The following FAM234A variants were observed in gnomAD, a reference collection of about 807,000 sequenced individuals.
FAM234A encodes family with sequence similarity 234 member A, also known as protein FAM234A.
In FAM234A, 42 loss-of-function variants were observed where a neutral mutation model predicts 49.1. The observed-to-expected ratio is 0.86, with a 90% CI of 0.67 to 1.11. The LOEUF (loss-of-function observed/expected upper bound fraction) is 1.11, where lower values mean the gene tolerates loss of function less well. Among genes scored for constraint, FAM234A ranks in the 50% least tolerant of loss-of-function variants. The probability of loss-of-function intolerance (pLI) is 0.00; values close to 1 mark genes in which losing one functional copy is unlikely to be tolerated. For synonymous variants in FAM234A, 369 were observed against 316.2 expected (o/e 1.17, Z -1.77); for missense variants, 815 against 745.2 (o/e 1.09, Z -1.09).
rs144091859 is a variant in FAM234A at position 264,963 on chromosome 16, G to A, written c.1600G>A (p.Asp534Asn). The A allele has an allele frequency of 8.9e-4, 1,429 of 1,612,706 alleles. 13 individuals carry two copies. The African/African-American group carries it at 0.016, about 18-fold the overall frequency. ...RVVRLGEGGP[D>N]SDQAIRDRFS... ...GGTCCGCCTGGGTGAGGGTGGGCCA[G>A]ACAGTGACCAAGCCATCAGGGACCG... The change falls in exon 13 of 13, where the codon GAC becomes AAC. Residue 534 changes from aspartate (D) to asparagine (N), a missense_variant. By Grantham distance (23) the Asp-to-Asn change is conservative. Coordinates refer to ENST00000399932, the MANE Select transcript of FAM234A (RefSeq NM_032039.4).
At chr16:244,188 T>C (rs1596758405) in intron 1 of FAM234A, among the ~76,000 whole-genome samples, 1 of 152,136 alleles carries the variant, frequency 6.6e-6, no homozygotes, top group African/African-American at 2.4e-5. Context: ...TAGGATGGTC[T>C]CGATCTCCTG....
chr16:244,008 A>T (rs187434039), intron 1 of FAM234A, among the ~76,000 whole-genome samples: 2 of 150,864 alleles, frequency 1.3e-5, no homozygotes, highest in African/African-American at 4.9e-5. Flanking sequence ...TTGCTCTGTC[A>T]CCCAGGCTGG....
intron 2 of FAM234A, among the ~76,000 whole-genome samples, chr16:251,961 C>T (rs2051031767): frequency 6.8e-6 from 1 of 146,870 alleles, no homozygotes; most frequent in African/African-American, 2.5e-5. Context: ...CAAGATCATG[C>T]CACTGCACTC....
chr16:262,067 TC>T (rs1274178588), intron 6 of FAM234A, 25 bp from the exon 7 acceptor site: 2 of 1,610,696 alleles, frequency 1.2e-6, no homozygotes, highest in East Asian at 4.5e-5. Context: ...GTCCCTCTCT[TC>T]CTGTGTCATC....
downstream of FAM234A, among the ~76,000 whole-genome samples, chr16:267,822 A>T (rs2051739066): frequency 6.9e-6 from 1 of 144,120 alleles, no homozygotes; most frequent in African/African-American, 2.6e-5. Flanking sequence ...ACACACAATC[A>T]CACATGCTAT....
At chr16:258,610 C>G (rs904403217) in intron 3 of FAM234A, among the ~76,000 whole-genome samples, 6 of 152,212 alleles carry the variant, frequency 3.9e-5, no homozygotes, top group African/African-American at 1.4e-4. Flanking sequence ...CACCTTTCTC[C>G]CCTTTCTATT....
At chr16:267,847 C>T (rs1410105562), downstream of FAM234A, among the ~76,000 whole-genome samples, 3 of 147,936 alleles carry the variant, frequency 2.0e-5, no homozygotes, top group Non-Finnish European at 3.0e-5. Flanking sequence ...ACACACCACA[C>T]GTGTGCCTCA....
chr16:248,453 G>A (rs543788898), intron 1 of FAM234A: 2 of 151,862 alleles, frequency 1.3e-5, no homozygotes, highest in African/African-American at 4.8e-5. Flanking sequence ...CTTATAACTC[G>A]ACCATTCTAG....
At chr16:251,588 G>C (rs961310218) in intron 2 of FAM234A, among the ~76,000 whole-genome samples, 1 of 151,124 alleles carries the variant, frequency 6.6e-6, no homozygotes, top group Non-Finnish European at 1.5e-5. Context: ...ACATTGCCCA[G>C]GCTGTTCTCA....
At chr16:264,547 C>A in intron 11 of FAM234A, 67 bp from the exon 12 acceptor site, 1 of 1,075,012 alleles carries the variant, frequency 9.3e-7, no homozygotes, top group South Asian at 1.3e-5. Context: ...CACGGTCACT[C>A]TGACAGCAGT....
At chr16:241,977 ACTT>A (rs764878736) in intron 1 of FAM234A, among the ~76,000 whole-genome samples, 1 of 152,058 alleles carries the variant, frequency 6.6e-6, no homozygotes, top group Non-Finnish European at 1.5e-5. Flanking sequence ...GACTCAGTAA[ACTT>A]CTTAGAGAAA....
At chr16:247,781 A>G (rs1416352795) in intron 1 of FAM234A, among the ~76,000 whole-genome samples, 1 of 152,008 alleles carries the variant, frequency 6.6e-6, no homozygotes, top group African/African-American at 2.4e-5. Flanking sequence ...TTGATCTTAG[A>G]TCAGTCTGTG....
At chr16:264,509 G>A (rs1254546436) in intron 11 of FAM234A, 105 bp from the exon 12 acceptor site, 3 of 871,188 alleles carry the variant, frequency 3.4e-6, no homozygotes, top group Non-Finnish European at 5.4e-6. Context: ...GACCCAGATA[G>A]GGCCCCTAGC....
intron 3 of FAM234A, among the ~76,000 whole-genome samples, chr16:257,064 A>C (rs1443991243): frequency 2.0e-5 from 3 of 151,820 alleles, no homozygotes; most frequent in Non-Finnish European, 4.4e-5. Flanking sequence ...TTTTTAGTAG[A>C]TGCGAGGTTT....
rs1255160046 is a variant in FAM234A at position 261,461 on chromosome 16, G to A, written c.655G>A (p.Val219Met). Reference protein sequence around the residue: ...ILSPLLQVPDVDGDGAPDLLV... With the variant: ...ILSPLLQVPDMDGDGAPDLLV... ...GAGCCCTCTGCTGCAGGTGCCTGAT[G>A]TGGACGGCGATGGGGCCCCAGACCT... is the stretch of plus-strand genomic sequence containing the variant. The change falls in exon 6 of 13, where the codon GTG (valine) becomes ATG (methionine). Residue 219 changes from valine (V) to methionine (M), a missense_variant. Transcript: ENST00000399932. The A allele has an allele frequency of 6.2e-7, 1 of 1,613,326 alleles. No individual in the cohort carries two copies. Among genetic ancestry groups the A allele is most frequent in the Non-Finnish European group, 8.5e-7 (1 of 1,179,850 alleles).
chr16:261,235 T>C (rs116360093), intron 5 of FAM234A, 149 bp from the exon 6 acceptor site: 2 of 869,166 alleles, frequency 2.3e-6, no homozygotes, highest in African/African-American at 1.7e-5. Context: ...CCTCCCCTCC[T>C]GTTGGCATCT....
chr16:235,217 C>G (rs982223982), intron 1 of FAM234A, among the ~76,000 whole-genome samples: 3 of 152,226 alleles, frequency 2.0e-5, no homozygotes, highest in Non-Finnish European at 4.4e-5. Context: ...GTGAGCCGGC[C>G]GTGGTCGCTT....
At chr16:239,465 A>G (rs2050534471) in intron 1 of FAM234A, among the ~76,000 whole-genome samples, 1 of 141,306 alleles carries the variant, frequency 7.1e-6, no homozygotes, top group Non-Finnish European at 1.5e-5. Context: ...TACAAAAAAA[A>G]CTAGTCGGAC....
intron 9 of FAM234A, 84 bp from the exon 10 acceptor site, chr16:263,616 G>GATGAA: frequency 7.6e-7 from 1 of 1,310,214 alleles, no homozygotes; most frequent in Non-Finnish European, 1.1e-6. Context: ...GGGAGACTGA[G>GATGAA]GGGCGGACGT....
Sources: gnomAD v4.1 joint callset for allele counts (sites outside exome capture counted in the v4.1 genomes callset) on GRCh38, gnomAD v4.1.1 for gene constraint, MANE v1.5 for transcripts, NCBI Gene and HGNC (gene_info 2026-07-23, HGNC 2026-07-21) for gene names.